UNC5D: variants seen among roughly 807,000 people sequenced by gnomAD.
UNC5D encodes the protein netrin receptor UNC5D.
In UNC5D, 39 loss-of-function variants were observed where a neutral mutation model predicts 105.4. That is an observed-to-expected ratio of 0.37 (90% CI 0.29 to 0.48). The LOEUF is 0.48. UNC5D is among the 20% of genes least tolerant of loss of function. The probability of loss-of-function intolerance (pLI) is 0.98; values close to 1 mark genes in which losing one functional copy is unlikely to be tolerated. For missense variants in UNC5D, 991 were observed against 1,202.4 expected, an observed-to-expected ratio of 0.82 and a Z score of 2.60; for synonymous variants, 452 against 450.4, an observed-to-expected ratio of 1.00 and a Z score of -0.04.
chr8:35,749,489 G>T lies in UNC5D; in HGVS notation c.1935+794G>T, dbSNP rs953703294. Among the ~76,000 whole-genome samples, 3 of 152,226 alleles carry T rather than the reference G, an allele frequency of 2.0e-5. No individual in the cohort carries two copies. In the East Asian group the frequency reaches 5.8e-4, roughly 29 times the overall value. ...GTCTTCCTCCCAGAAGGCACTTCAG[G>T]CCAAAGAAGTAAAAGGAAAATCATG... On this transcript the variant is annotated intron_variant, in intron 12 of 16. Coordinates refer to ENST00000404895, the MANE Select transcript of UNC5D (RefSeq NM_080872.4).
intron 1 of UNC5D, chr8:35,544,595 GTTTTTT>G (rs775831187): frequency 6.3e-4 from 359 of 572,668 alleles, no homozygotes; most frequent in South Asian, 9.0e-4. Flanking sequence ...TTTCGTTTTC[GTTTTTT>G]TTTTTTTTTT....
intron 4 of UNC5D, among the ~76,000 whole-genome samples, chr8:35,618,419 C>T (rs1193195533): frequency 2.6e-5 from 4 of 151,960 alleles, no homozygotes; most frequent in Non-Finnish European, 5.9e-5. Flanking sequence ...TGCTATAGAT[C>T]GGTGATGGTA....
At chr8:35,641,371 AAAAAAAAAAAAAAAG>A (rs1822715828) in intron 4 of UNC5D, among the ~76,000 whole-genome samples, 1 of 150,112 alleles carries the variant, frequency 6.7e-6, no homozygotes, top group South Asian at 2.1e-4. Flanking sequence ...TAAAGCAAAA[AAAAAAAAAAAAAAAG>A]AAAAAAAAAA....
At chr8:35,438,151 A>C (rs1807150131) in intron 1 of UNC5D, among the ~76,000 whole-genome samples, 1 of 152,076 alleles carries the variant, frequency 6.6e-6, no homozygotes. Flanking sequence ...ATTAGTTGAG[A>C]AAGCCTCACA....
At chr8:35,735,451 T>A (rs1278552093) in intron 11 of UNC5D, among the ~76,000 whole-genome samples, 1 of 152,238 alleles carries the variant, frequency 6.6e-6, no homozygotes, top group Admixed American at 6.5e-5. Flanking sequence ...AGAACACATA[T>A]TTTTAAATTT....
chr8:35,669,477 T>TA (rs1824633559), intron 4 of UNC5D, among the ~76,000 whole-genome samples: 1 of 152,144 alleles, frequency 6.6e-6, no homozygotes, highest in African/African-American at 2.4e-5. Context: ...TCCTTAAATC[T>TA]AATAGCAAGT....
At chr8:35,398,530 T>TAA (rs909600799) in intron 1 of UNC5D, among the ~76,000 whole-genome samples, 1 of 145,164 alleles carries the variant, frequency 6.9e-6, no homozygotes. Flanking sequence ...AAGCAGACAT[T>TAA]AAAAAAAAAA....
intron 1 of UNC5D, among the ~76,000 whole-genome samples, chr8:35,325,353 TA>T (rs1810068989): frequency 6.6e-6 from 1 of 152,150 alleles, no homozygotes; most frequent in South Asian, 2.1e-4. Flanking sequence ...AGACCACCAG[TA>T]AAAACTTAAG....
In UNC5D at chr8:35,438,906, C is replaced by G. The variant is rs530384763; in HGVS notation, c.104-110386C>G. Among the ~76,000 whole-genome samples, 250 of 152,138 alleles carry G rather than the reference C, an allele frequency of 1.6e-3. 3 individuals are homozygous for G. The highest frequency in any genetic ancestry group is 5.1e-3 in the Admixed American group (78 of 15,242). On this transcript the variant is annotated intron_variant, in intron 1 of 16. Coordinates refer to ENST00000404895, the MANE Select transcript of UNC5D (RefSeq NM_080872.4). The stretch of plus-strand genomic sequence containing the variant: ...ATGTCAGATAATTCTGAGGTCAGGT[C>G]TGGCTTAAGGGACTGCAAGGCTAAG...
Position 35,790,928 on chromosome 8 carries a change from A to C in UNC5D, c.*365A>C. On this transcript the variant is annotated 3_prime_UTR_variant, in exon 17 of 17. Transcript: ENST00000404895. ...CATGCTTTGAAATAGGTTTTTAATG[A>C]TGTGCCCCAAAGGGCCAGCTGATTC... The C allele has an allele frequency of 4.2e-6, 1 of 239,418 alleles. No individual in the cohort carries two copies. 14.8% of individuals were successfully genotyped at this position (239,418 alleles called of 1,614,324 possible). A position where few individuals can be genotyped will look rare whatever the true frequency, so the allele number is the denominator to read the frequency against.
chr8:35,769,700 G>C (rs7830649), intron 15 of UNC5D, among the ~76,000 whole-genome samples: 13,102 of 152,068 alleles, frequency 0.086, 1,554 homozygotes, highest in African/African-American at 0.27. Context: ...TGCGGTGGCT[G>C]ATGCCTGTAA....
At chr8:35,692,392 A>G (rs949557105) in intron 7 of UNC5D, among the ~76,000 whole-genome samples, 3 of 152,254 alleles carry the variant, frequency 2.0e-5, no homozygotes, top group African/African-American at 4.8e-5. Context: ...GTTATCCATT[A>G]CAGTAATTAC....
At chr8:35,374,647 T>C (rs775066858) in intron 1 of UNC5D, among the ~76,000 whole-genome samples, 23 of 152,318 alleles carry the variant, frequency 1.5e-4, no homozygotes, top group Non-Finnish European at 2.8e-4. Context: ...AAGGACACAC[T>C]AAATTCCCGT....
At chr8:35,781,888 C>T (rs1802517537) in intron 16 of UNC5D, among the ~76,000 whole-genome samples, 1 of 152,070 alleles carries the variant, frequency 6.6e-6, no homozygotes, top group South Asian at 2.1e-4. Flanking sequence ...TTTCCAAGAA[C>T]CAGATAATGA....
intron 1 of UNC5D, among the ~76,000 whole-genome samples, chr8:35,468,221 G>GA (rs1809451838): frequency 3.3e-5 from 5 of 152,276 alleles, no homozygotes; most frequent in African/African-American, 9.6e-5. Context: ...TTGAGAGCAT[G>GA]TGCACGTGAA....
At chr8:35,344,312 T>C (rs1466155408) in intron 1 of UNC5D, among the ~76,000 whole-genome samples, 2 of 152,068 alleles carry the variant, frequency 1.3e-5, no homozygotes, top group Non-Finnish European at 2.9e-5. Context: ...TATAATGTCC[T>C]TAGTCCTGGA....
rs151175687 is a variant in UNC5D, at chr8:35,458,226, T to A, written c.104-91066T>A. On this transcript the variant is annotated intron_variant, in intron 1 of 16. Transcript: ENST00000404895. Reference sequence around the variant, plus strand: ...GAGAGGAGGGAATTCACTTCCCTCATAGGCAGACTGTTTTCTGGCACAGAA... The same window carrying A: ...GAGAGGAGGGAATTCACTTCCCTCAAAGGCAGACTGTTTTCTGGCACAGAA... Among the ~76,000 whole-genome samples the A allele has an allele frequency of 2.8e-4, 42 of 152,306 alleles. No individual in the cohort carries two copies. In the East Asian group the frequency reaches 4.6e-3, roughly 17 times the overall value.
At chr8:35,639,214 G>C (rs543261191) in intron 4 of UNC5D, among the ~76,000 whole-genome samples, 1 of 152,344 alleles carries the variant, frequency 6.6e-6, no homozygotes, top group South Asian at 2.1e-4. Flanking sequence ...GCACAAGAGG[G>C]TGGGTAGCCC....
intron 11 of UNC5D, among the ~76,000 whole-genome samples, chr8:35,745,015 C>G (rs1420063039): frequency 6.6e-6 from 1 of 151,768 alleles, no homozygotes; most frequent in African/African-American, 2.4e-5. Flanking sequence ...GATGGTGCCA[C>G]TGCACTTCAG....
Sources: allele counts gnomAD v4.1 joint callset (sites outside exome capture counted in the v4.1 genomes callset), GRCh38; gene constraint gnomAD v4.1.1; transcripts MANE v1.5; gene names NCBI Gene and HGNC (gene_info 2026-07-23, HGNC 2026-07-21).